The following SNAP47 variants were observed in gnomAD, a reference collection of about 807,000 sequenced individuals.
SNAP47 encodes synaptosomal-associated protein 47.
A neutral mutation model predicts 31.4 loss-of-function variants in SNAP47; 20 were observed. The ratio of observed to expected loss-of-function variants is 0.64; its 90% CI spans 0.45 to 0.93. The LOEUF (loss-of-function observed/expected upper bound fraction) is 0.93. SNAP47 is among the 40% of genes least tolerant of loss of function. The pLI is 0.00. For missense variants in SNAP47, 492 were observed against 528.5 expected (o/e 0.93, Z 0.68); for synonymous variants, 194 against 213.4 (o/e 0.91, Z 0.79).
Position 227,775,652 on chromosome 1 carries a change from T to C in SNAP47, c.1114-4875T>C, listed in dbSNP as rs1664114221. On this transcript the variant is annotated intron_variant, in intron 4 of 4. Transcript: ENST00000617596. ...CCAGCACTCAGCCTTGCCCTAATGGTGCGCGCATGGACACACAGCTGCTTT... is the reference window on the plus strand; with the variant it reads ...CCAGCACTCAGCCTTGCCCTAATGGCGCGCGCATGGACACACAGCTGCTTT... The C allele has an allele frequency of 3.6e-6, 3 of 826,898 alleles. No homozygotes were observed. In the Admixed American group the frequency reaches 8.1e-5, roughly 22 times the overall value. 51.2% of individuals were successfully genotyped at this position (826,898 alleles called of 1,614,324 possible).
At chr1:227,735,350 A>G (rs781056425), upstream of SNAP47, 3 of 1,595,440 alleles carry the variant, frequency 1.9e-6, no homozygotes, top group Non-Finnish European at 2.5e-6. Flanking sequence ...CCTCGGAACC[A>G]GAAGACGCAG....
intron 2 of SNAP47, among the ~76,000 whole-genome samples, chr1:227,756,417 C>T (rs975924086): frequency 6.6e-6 from 1 of 152,172 alleles, no homozygotes; most frequent in Non-Finnish European, 1.5e-5. Flanking sequence ...CTTTCTTTGT[C>T]AATATCAGTT....
chr1:227,736,620 C>A (rs557678539), intron 1 of SNAP47: 1 of 146,338 alleles, frequency 6.8e-6, no homozygotes, highest in Non-Finnish European at 1.5e-5. Context: ...CTGCTTCAGC[C>A]TCCCAAGTAG....
At chr1:227,751,253 C>T (rs1212766026) in intron 2 of SNAP47, among the ~76,000 whole-genome samples, 1 of 152,244 alleles carries the variant, frequency 6.6e-6, no homozygotes, top group Non-Finnish European at 1.5e-5. Context: ...CCACGTCTCT[C>T]TCCTGCTCAG....
chr1:227,750,395 G>T (rs1264713369), intron 2 of SNAP47, among the ~76,000 whole-genome samples: 2 of 152,256 alleles, frequency 1.3e-5, no homozygotes, highest in African/African-American at 4.8e-5. Context: ...CTGGGAGTCC[G>T]CCAATTTCTA....
At chr1:227,735,728 A>T in intron 1 of SNAP47, 8 of 982,902 alleles carry the variant, frequency 8.1e-6, no homozygotes, top group Non-Finnish European at 8.5e-6. Context: ...CCCGGAGAGA[A>T]CGGTGGGACC....
In SNAP47 at chr1:227,748,129, A is replaced by G. The variant is rs1312138095; in HGVS notation, c.393A>G (p.Lys131=). 1 of 1,613,958 alleles carries G rather than the reference A, an allele frequency of 6.2e-7. No homozygotes were observed. The highest frequency in any genetic ancestry group is 1.1e-5 in the South Asian group (1 of 91,076). ...ELTGLMAGSQ[K]RLEDTARVLH... ...CGGGACTCATGGCTGGATCCCAGAA[A>G]CGCCTGGAGGACACGGCGAGGGTCC... The change falls in exon 2 of 5, where the codon AAA becomes AAG. Residue 131 remains lysine (K), a synonymous_variant. Transcript: ENST00000617596.
chr1:227,766,307 G>A (rs1572037017), intron 3 of SNAP47, among the ~76,000 whole-genome samples: 1 of 152,348 alleles, frequency 6.6e-6, no homozygotes, highest in East Asian at 1.9e-4. Context: ...GCCCTTATCT[G>A]GGCCCCGGGG....
At chr1:227,732,435 A>T (rs200154371), upstream of SNAP47, 290 of 1,613,148 alleles carry the variant, frequency 1.8e-4, no homozygotes, top group Admixed American at 5.0e-4. Context: ...CAGCTGCTGC[A>T]GCAGCTCTTT....
chr1:227,739,051 A>T (rs1395182172), intron 1 of SNAP47, among the ~76,000 whole-genome samples: 1 of 152,104 alleles, frequency 6.6e-6, no homozygotes, highest in Non-Finnish European at 1.5e-5. Flanking sequence ...CTCTCATGGG[A>T]CTGGAACATA....
chr1:227,768,458 A>G (rs2102980611), intron 4 of SNAP47: 1 of 347,078 alleles, frequency 2.9e-6, no homozygotes, highest in Middle Eastern at 1.5e-3. Flanking sequence ...GGATAAAGAC[A>G]CTCTGTCTCT....
rs562548003 is a variant in SNAP47 at position 227,764,425 on chromosome 1, T to C, written c.989-2534T>C. On this transcript the variant is annotated intron_variant, in intron 3 of 4. Transcript: ENST00000617596. ...GTCTCTGTCACGCAGCCTCAGGTGCTGAAATGAAAGCCATGTCGTAGGTAG... is the reference window on the plus strand; with the variant it reads ...GTCTCTGTCACGCAGCCTCAGGTGCCGAAATGAAAGCCATGTCGTAGGTAG... Among the ~76,000 whole-genome samples the C allele has an allele frequency of 1.4e-3, 209 of 152,304 alleles. 1 individual carries two copies. Among genetic ancestry groups the C allele is most frequent in the African/African-American group, 4.8e-3 (198 of 41,564 alleles).
At chr1:227,750,633 G>A (rs769538845) in intron 2 of SNAP47, among the ~76,000 whole-genome samples, 4 of 152,112 alleles carry the variant, frequency 2.6e-5, no homozygotes, top group Non-Finnish European at 5.9e-5. Flanking sequence ...CTGCTGAGGG[G>A]TGTCCCTGGG....
At chr1:227,767,459 G>A (rs1663488798) in intron 4 of SNAP47, among the ~76,000 whole-genome samples, 1 of 152,176 alleles carries the variant, frequency 6.6e-6, no homozygotes, top group East Asian at 1.9e-4. Context: ...TTGTGCATTT[G>A]TGTGTAGTAT....
At chr1:227,729,442 G>C (rs1282381136) in intron 1 of SNAP47, among the ~76,000 whole-genome samples, 3 of 152,180 alleles carry the variant, frequency 2.0e-5, no homozygotes, top group Non-Finnish European at 4.4e-5. Context: ...GTGGGACGCT[G>C]GCACAATCAC....
At chr1:227,734,929 T>C (rs1660972613), upstream of SNAP47, 3 of 1,519,966 alleles carry the variant, frequency 2.0e-6, no homozygotes, top group Admixed American at 6.0e-5. Context: ...CCCTCCCTGG[T>C]GCCCCTCTCT....
intron 2 of SNAP47, among the ~76,000 whole-genome samples, chr1:227,754,518 A>G (rs948787306): frequency 5.3e-5 from 8 of 152,080 alleles, no homozygotes; most frequent in South Asian, 2.1e-4. Flanking sequence ...CCCCTCTTCC[A>G]TATCATTTAA....
In SNAP47 at chr1:227,747,695, C is replaced by T. The variant is rs1572001195; in HGVS notation, c.-42C>T. 1.9e-6 allele frequency: 3 copies of T among 1,588,118 alleles called. No homozygotes were observed. In the East Asian group the frequency reaches 6.8e-5, roughly 36 times the overall value. On this transcript the variant is annotated 5_prime_UTR_variant, in exon 2 of 5. Transcript: ENST00000617596. The stretch of plus-strand genomic sequence containing the variant: ...GTTACTGTCTCTTCTCCTTCAGAGG[C>T]AGAAGAGGCCTGGACCTTGGCGCAC...
chr1:227,733,360 G>A, upstream of SNAP47: 3 of 1,531,366 alleles, frequency 2.0e-6, no homozygotes, highest in South Asian at 1.2e-5. Context: ...AGGTGGTGCT[G>A]CCGTCTTCCT....
Sources: gnomAD v4.1 joint callset for allele counts (sites outside exome capture counted in the v4.1 genomes callset) on GRCh38, gnomAD v4.1.1 for gene constraint, MANE v1.5 for transcripts, NCBI Gene and HGNC (gene_info 2026-07-23, HGNC 2026-07-21) for gene names.